GMDS: variants seen among roughly 807,000 people sequenced by gnomAD.
The protein encoded by GMDS is GDP-mannose 4,6 dehydratase.
GMDS carries 20 observed loss-of-function variants against 49.9 expected under a neutral mutation model. The observed-to-expected ratio is 0.40, with a 90% CI of 0.28 to 0.58. GMDS has a LOEUF of 0.58. GMDS is among the 20% of genes least tolerant of loss of function. The pLI is 0.42. For synonymous variants in GMDS, 177 were observed against 178.6 expected (o/e 0.99, Z 0.07); for missense variants, 362 against 481.4 (o/e 0.75, Z 2.32).
At chr6:1,787,340 G>A (rs1284772521) in intron 7 of GMDS, among the ~76,000 whole-genome samples, 1 of 152,190 alleles carries the variant, frequency 6.6e-6, no homozygotes, top group Non-Finnish European at 1.5e-5. Context: ...ACTACAGCAG[G>A]AGGTAGCTGC....
At chr6:2,202,879 A>C (rs1363572943) in intron 1 of GMDS, among the ~76,000 whole-genome samples, 1 of 152,194 alleles carries the variant, frequency 6.6e-6, no homozygotes, top group Non-Finnish European at 1.5e-5. Flanking sequence ...TTGGTCCTAA[A>C]GAAGCAGTCA....
At chr6:1,638,316 G>T (rs1290078401) in intron 9 of GMDS, among the ~76,000 whole-genome samples, 1 of 152,170 alleles carries the variant, frequency 6.6e-6, no homozygotes, top group Admixed American at 6.5e-5. Flanking sequence ...TCTCCAGCTG[G>T]AGATGAATGG....
At chr6:1,855,871 A>G (rs78721310) in intron 7 of GMDS, among the ~76,000 whole-genome samples, 2,231 of 152,318 alleles carry the variant, frequency 0.015, 58 homozygotes, top group African/African-American at 0.051. Flanking sequence ...TGCTACTACA[A>G]TGCACACACA....
At chr6:2,095,842 C>T (rs1452424905) in intron 4 of GMDS, among the ~76,000 whole-genome samples, 3 of 152,066 alleles carry the variant, frequency 2.0e-5, no homozygotes, top group African/African-American at 7.2e-5. Flanking sequence ...AAGACATCCA[C>T]CAATTGTGGA....
At chr6:1,647,242 C>T (rs1416039723) in intron 9 of GMDS, among the ~76,000 whole-genome samples, 2 of 152,176 alleles carry the variant, frequency 1.3e-5, no homozygotes, top group African/African-American at 4.8e-5. Flanking sequence ...CCGCTGAACA[C>T]CTGCAGTTAT....
chr6:1,958,948 T>G (rs1763789145), intron 6 of GMDS, among the ~76,000 whole-genome samples: 1 of 152,168 alleles, frequency 6.6e-6, no homozygotes, highest in African/African-American at 2.4e-5. Context: ...TTTTCTTACT[T>G]AAAACTTAAT....
At chr6:2,187,431 C>T (rs1778825501) in intron 1 of GMDS, among the ~76,000 whole-genome samples, 1 of 152,196 alleles carries the variant, frequency 6.6e-6, no homozygotes, top group African/African-American at 2.4e-5. Context: ...TAAACTACTC[C>T]TTAGAGAAGT....
At chr6:1,750,759 G>A (rs928234049) in intron 7 of GMDS, among the ~76,000 whole-genome samples, 3 of 152,102 alleles carry the variant, frequency 2.0e-5, no homozygotes, top group African/African-American at 4.8e-5. Flanking sequence ...TGAAGCCAGG[G>A]AGCCAAGTTG....
chr6:2,208,899 T>C (rs764816776), intron 1 of GMDS, among the ~76,000 whole-genome samples: 2 of 150,796 alleles, frequency 1.3e-5, no homozygotes, highest in East Asian at 1.9e-4. Context: ...TTCTCATCAG[T>C]AGCACAGGTA....
rs1295921211 is a variant in GMDS at position 2,245,320 on chromosome 6, C to A, written c.102+1G>T. On this transcript the variant is annotated splice_donor_variant, in intron 1 of 10. Coordinates refer to ENST00000380815, the MANE Select transcript of GMDS (RefSeq NM_001500.4). LOFTEE classifies it high-confidence loss of function. ...CGGCGCGCCCCCGCCCCCGCACTCA[C>A]CTGGCCTGTGATACCGGTGATGAGC... 1.3e-6 allele frequency: 2 copies of A among 1,539,690 alleles called. No individual in the cohort carries two copies. The highest frequency in any genetic ancestry group is 1.9e-5 in the Admixed American group (1 of 51,578).
At chr6:1,751,885 A>C (rs1767747928) in intron 7 of GMDS, among the ~76,000 whole-genome samples, 1 of 152,218 alleles carries the variant, frequency 6.6e-6, no homozygotes, top group African/African-American at 2.4e-5. Flanking sequence ...AAAGGTCACC[A>C]ACATCAAAGA....
chr6:2,097,773 T>C (rs1348059817), intron 4 of GMDS, among the ~76,000 whole-genome samples: 3 of 152,172 alleles, frequency 2.0e-5, no homozygotes, highest in Admixed American at 6.5e-5. Flanking sequence ...TGTTTGACTG[T>C]AGAAAAGACT....
At chr6:1,688,406 C>T (rs1765059139) in intron 9 of GMDS, among the ~76,000 whole-genome samples, 2 of 152,218 alleles carry the variant, frequency 1.3e-5, no homozygotes, top group Admixed American at 6.5e-5. Context: ...GTGTGGAATA[C>T]AAGCTGGTCT....
At chr6:1,968,702 A>G (rs1011624630) in intron 4 of GMDS, among the ~76,000 whole-genome samples, 1 of 152,098 alleles carries the variant, frequency 6.6e-6, no homozygotes, top group Non-Finnish European at 1.5e-5. Context: ...CATCTCCCTC[A>G]TATTTCCTCC....
intron 4 of GMDS, among the ~76,000 whole-genome samples, chr6:2,042,661 A>T (rs1769757405): frequency 6.6e-6 from 1 of 152,216 alleles, no homozygotes; most frequent in Non-Finnish European, 1.5e-5. Context: ...AATTTTCAAC[A>T]TGGAGTCCAG....
intron 4 of GMDS, among the ~76,000 whole-genome samples, chr6:1,983,594 C>T (rs1203841906): frequency 6.6e-6 from 1 of 152,116 alleles, no homozygotes; most frequent in Non-Finnish European, 1.5e-5. Flanking sequence ...AGAAGACACA[C>T]ATGTGGCCAA....
intron 4 of GMDS, among the ~76,000 whole-genome samples, chr6:2,101,787 G>GA (rs1183406565): frequency 2.0e-5 from 3 of 151,944 alleles, no homozygotes; most frequent in African/African-American, 7.3e-5. Flanking sequence ...GGCCACATGA[G>GA]AAAACATACT....
At chr6:2,037,458 A>C (rs750970465) in intron 4 of GMDS, among the ~76,000 whole-genome samples, 4 of 152,170 alleles carry the variant, frequency 2.6e-5, no homozygotes, top group Non-Finnish European at 4.4e-5. Context: ...AGGACAGAGA[A>C]GCAGCATCTG....
At chr6:2,233,267 T>C (rs542493571) in intron 1 of GMDS, among the ~76,000 whole-genome samples, 1 of 152,290 alleles carries the variant, frequency 6.6e-6, no homozygotes, top group East Asian at 1.9e-4. Context: ...GCAAACATTT[T>C]CCTCCTCCTC....
Sources: allele counts gnomAD v4.1 joint callset (sites outside exome capture counted in the v4.1 genomes callset), GRCh38; gene constraint gnomAD v4.1.1; transcripts MANE v1.5; gene names NCBI Gene and HGNC (gene_info 2026-07-23, HGNC 2026-07-21).